The following LRP1B variants were observed in gnomAD, a reference collection of about 807,000 sequenced individuals.
LRP1B encodes LDL receptor related protein 1B.
LRP1B carries 217 observed loss-of-function variants against 556.6 expected under a neutral mutation model. The observed-to-expected ratio is 0.39, with a 90% confidence interval of 0.35 to 0.44. The LOEUF is 0.44. LRP1B is among the 20% of genes least tolerant of loss of function. The probability of loss-of-function intolerance (pLI) is 1.00; values close to 1 mark genes in which losing one functional copy is unlikely to be tolerated. For missense variants in LRP1B, 5,053 were observed against 5,620.8 expected, an observed-to-expected ratio of 0.90 and a Z score of 3.23; for synonymous variants, 2,047 against 1,865.8, an observed-to-expected ratio of 1.10 and a Z score of -2.50.
intron 3 of LRP1B, among the ~76,000 whole-genome samples, chr2:141,458,713 A>T (rs1681734325): frequency 6.6e-6 from 1 of 152,118 alleles, no homozygotes; most frequent in Non-Finnish European, 1.5e-5. Flanking sequence ...TGACTCACTT[A>T]TAGACCAAGT....
intron 3 of LRP1B, among the ~76,000 whole-genome samples, chr2:141,371,873 C>T (rs923083393): frequency 1.3e-5 from 2 of 151,774 alleles, no homozygotes; most frequent in Non-Finnish European, 2.9e-5. Context: ...TTCTCTTGCC[C>T]AATTGCCCTG....
intron 1 of LRP1B, among the ~76,000 whole-genome samples, chr2:141,855,435 G>A (rs1050618726): frequency 1.3e-5 from 2 of 152,086 alleles, no homozygotes; most frequent in African/African-American, 4.8e-5. Context: ...TTTGAGCAGA[G>A]GCTAGTGAGA....
At chr2:141,014,907 T>C (rs1403229627) in intron 13 of LRP1B, among the ~76,000 whole-genome samples, 1 of 152,110 alleles carries the variant, frequency 6.6e-6, no homozygotes, top group African/African-American at 2.4e-5. Context: ...ATTAGTGTAG[T>C]ATTTCTTTCT....
intron 3 of LRP1B, among the ~76,000 whole-genome samples, chr2:141,458,373 G>A (rs1405002900): frequency 6.6e-6 from 1 of 152,106 alleles, no homozygotes; most frequent in Non-Finnish European, 1.5e-5. Context: ...CAAAATCAAG[G>A]TGAATGAGCT....
chr2:141,152,578 C>A (rs1011502783), intron 7 of LRP1B, among the ~76,000 whole-genome samples: 20 of 151,838 alleles, frequency 1.3e-4, no homozygotes, highest in African/African-American at 4.4e-4. Flanking sequence ...AATGTATACA[C>A]CCTGGCTCAG....
intron 2 of LRP1B, among the ~76,000 whole-genome samples, chr2:141,757,287 T>C (rs1268425923): frequency 6.6e-6 from 1 of 152,194 alleles, no homozygotes; most frequent in Non-Finnish European, 1.5e-5. Context: ...ACATTTCACA[T>C]GACCTAGAAC....
intron 41 of LRP1B, among the ~76,000 whole-genome samples, chr2:140,655,474 G>C (rs1372043341): frequency 6.6e-6 from 1 of 152,130 alleles, no homozygotes; most frequent in African/African-American, 2.4e-5. Flanking sequence ...CTTTGGATGT[G>C]ACTCTATTGT....
At chr2:141,194,578 T>C (rs1176012677) in intron 6 of LRP1B, among the ~76,000 whole-genome samples, 1 of 152,110 alleles carries the variant, frequency 6.6e-6, no homozygotes, top group Non-Finnish European at 1.5e-5. Context: ...ATTTTTAAAA[T>C]TTACAAAGCA....
At chr2:141,532,884 G>C (rs1684937096) in intron 2 of LRP1B, among the ~76,000 whole-genome samples, 1 of 152,140 alleles carries the variant, frequency 6.6e-6, no homozygotes, top group Admixed American at 6.5e-5. Context: ...TACTTGGGAG[G>C]CTGAGGCAGG....
At chr2:141,250,677 G>A (rs1285947938) in intron 4 of LRP1B, among the ~76,000 whole-genome samples, 2 of 152,136 alleles carry the variant, frequency 1.3e-5, no homozygotes, top group Non-Finnish European at 2.9e-5. Context: ...AGAGGTATAG[G>A]TGAGTCCTGG....
chr2:140,910,081 C>A (rs1188286603), intron 21 of LRP1B, among the ~76,000 whole-genome samples: 1 of 117,142 alleles, frequency 8.5e-6, no homozygotes, highest in Non-Finnish European at 1.7e-5. Context: ...CCAGAAAAAT[C>A]ATTCAGAATC....
In LRP1B at chr2:141,785,924, G is replaced by T. The variant is rs556824141; in HGVS notation, c.205+24355C>A. On this transcript the variant is annotated intron_variant, in intron 2 of 90. Transcript: ENST00000389484. The stretch of plus-strand genomic sequence containing the variant: ...GAGGTGGCTTCAGAGACTTAAAGAA[G>T]ATTAAATTTATATGACAACTACAGT... Among the ~76,000 whole-genome samples the T allele has an allele frequency of 2.0e-5, 3 of 151,778 alleles. No homozygotes were observed. The Admixed American group carries it at 2.0e-4, about 10-fold the overall frequency.
At chr2:141,607,351 A>G (rs1358109570) in intron 2 of LRP1B, among the ~76,000 whole-genome samples, 1 of 152,190 alleles carries the variant, frequency 6.6e-6, no homozygotes, top group South Asian at 2.1e-4. Context: ...ACCAAAGCAA[A>G]TAGTCTCAGG....
chr2:141,861,938 A>AG (rs898446196), intron 1 of LRP1B, among the ~76,000 whole-genome samples: 1 of 152,000 alleles, frequency 6.6e-6, no homozygotes, highest in African/African-American at 2.4e-5. Context: ...TCAAAAAAAA[A>AG]AGAAAAAAAG....
chr2:141,104,338 A>C (rs1261229133), intron 7 of LRP1B, among the ~76,000 whole-genome samples: 3 of 152,034 alleles, frequency 2.0e-5, no homozygotes, highest in African/African-American at 7.2e-5. Context: ...AATACAACTA[A>C]AAAAAACTCA....
intron 6 of LRP1B, among the ~76,000 whole-genome samples, chr2:141,227,596 C>T (rs1026058476): frequency 5.3e-5 from 8 of 152,100 alleles, no homozygotes; most frequent in Admixed American, 2.0e-4. Flanking sequence ...AATTTTTGGT[C>T]TATTTTCACA....
At chr2:141,014,347 T>C (rs1299255299) in intron 13 of LRP1B, among the ~76,000 whole-genome samples, 1 of 152,106 alleles carries the variant, frequency 6.6e-6, no homozygotes, top group Non-Finnish European at 1.5e-5. Context: ...AGTTAAATTC[T>C]GATTATGTTA....
At chr2:141,971,298 A>T (rs1701725580) in intron 1 of LRP1B, among the ~76,000 whole-genome samples, 1 of 151,478 alleles carries the variant, frequency 6.6e-6, no homozygotes. Context: ...ATATCCTTGA[A>T]AAAAGTATCC....
chr2:140,297,888 C>T lies in LRP1B; in HGVS notation c.12887G>A (p.Gly4296Glu), dbSNP rs1187234305. The T allele has an allele frequency of 6.2e-6, 10 of 1,613,874 alleles. No homozygotes were observed. Among genetic ancestry groups the T allele is most frequent in the South Asian group, 2.2e-5 (2 of 91,076 alleles). Residue 4296 changes from glycine to glutamate, a missense_variant, in exon 84 of 91, where the codon GGA becomes GAA. Transcript: ENST00000389484. ...KTVCEDFCQN[G>E]GTCIVTAGNQ... is the part of the protein sequence containing the mutation. ...TCCAGCAGTCACAATGCAGGTTCCT[C>T]CATTTTGACAAAAATCCTCACAGAC...
Sources: gnomAD v4.1 joint callset for allele counts (sites outside exome capture counted in the v4.1 genomes callset) on GRCh38, gnomAD v4.1.1 for gene constraint, MANE v1.5 for transcripts, NCBI Gene and HGNC (gene_info 2026-07-23, HGNC 2026-07-21) for gene names.